Variants in MRPL48 observed in about 807,000 individuals in gnomAD.
The protein encoded by MRPL48 is large ribosomal subunit protein mL48.
In MRPL48, 16 loss-of-function variants were observed where a neutral mutation model predicts 32.9. That is an observed-to-expected ratio of 0.49 (90% confidence interval 0.33 to 0.74). The LOEUF (loss-of-function observed/expected upper bound fraction) is 0.74, where lower values mean the gene tolerates loss of function less well. Among genes scored for constraint, MRPL48 ranks in the 30% least tolerant of loss-of-function variants. The pLI is 0.02. For missense variants in MRPL48, 206 were observed against 245.3 expected (o/e 0.84, Z 1.07); for synonymous variants, 94 against 89.2 (o/e 1.05, Z -0.31).
intron 3 of MRPL48, among the ~76,000 whole-genome samples, chr11:73,808,838 G>T (rs1947510310): frequency 6.6e-6 from 1 of 151,996 alleles, no homozygotes; most frequent in Non-Finnish European, 1.5e-5. Context: ...CAGGAGAATC[G>T]CTTGAGCTCG....
chr11:73,788,110 C>T (rs1947076293), intron 1 of MRPL48, 118 bp downstream of exon 1: 1 of 1,459,510 alleles, frequency 6.9e-7, no homozygotes, highest in African/African-American at 1.4e-5. Flanking sequence ...GGATGAGACA[C>T]TGGGGCGCCC....
At chr11:73,846,504 C>T (rs1948290110) in intron 5 of MRPL48, among the ~76,000 whole-genome samples, 1 of 151,102 alleles carries the variant, frequency 6.6e-6, no homozygotes. Flanking sequence ...TACAGGTGCG[C>T]ACTACTGCAC....
intron 5 of MRPL48, 46 bp downstream of exon 5, chr11:73,845,022 T>C: frequency 6.4e-7 from 1 of 1,552,038 alleles, no homozygotes; most frequent in Non-Finnish European, 8.7e-7. Context: ...GTGGGTAGAA[T>C]GCTCTGTTTT....
chr11:73,804,965 G>A, intron 1 of MRPL48, 62 bp from the exon 2 acceptor site: 3 of 1,495,814 alleles, frequency 2.0e-6, no homozygotes, highest in Non-Finnish European at 2.7e-6. Flanking sequence ...GCCTCTCTGA[G>A]AAGACATACT....
intron 3 of MRPL48, among the ~76,000 whole-genome samples, chr11:73,815,444 G>A (rs749378845): frequency 6.6e-6 from 1 of 151,936 alleles, no homozygotes; most frequent in Non-Finnish European, 1.5e-5. Flanking sequence ...TTTTCCTGGA[G>A]GTTTGAGAAT....
chr11:73,862,656 C>T (rs1591015719), intron 6 of MRPL48, among the ~76,000 whole-genome samples: 1 of 152,010 alleles, frequency 6.6e-6, no homozygotes, highest in African/African-American at 2.4e-5. Context: ...TGGTTCATGC[C>T]TGTAAACCTA....
chr11:73,812,970 C>CT (rs1291903196), intron 3 of MRPL48, among the ~76,000 whole-genome samples: 1 of 151,152 alleles, frequency 6.6e-6, no homozygotes, highest in East Asian at 1.9e-4. Context: ...AGGCTGGTCT[C>CT]TAATTCCTGA....
intron 4 of MRPL48, among the ~76,000 whole-genome samples, chr11:73,844,555 T>C (rs1948251240): frequency 6.6e-6 from 1 of 152,212 alleles, no homozygotes; most frequent in Non-Finnish European, 1.5e-5. Flanking sequence ...CATGTATTCA[T>C]GTTCAAGTAA....
At chr11:73,788,071 CG>C in intron 1 of MRPL48, 79 bp downstream of exon 1, 1 of 1,212,394 alleles carries the variant, frequency 8.2e-7, no homozygotes, top group Non-Finnish European at 1.1e-6. Context: ...GGGTGCAGAG[CG>C]GGGAGGTGGC....
chr11:73,847,295 TA>T (rs1948309773), intron 5 of MRPL48, among the ~76,000 whole-genome samples: 1 of 152,224 alleles, frequency 6.6e-6, no homozygotes, highest in Non-Finnish European at 1.5e-5. Context: ...CACTAATAAA[TA>T]ATGATATTGA....
At chr11:73,809,010 T>G (rs1261126629) in intron 3 of MRPL48, among the ~76,000 whole-genome samples, 3 of 151,816 alleles carry the variant, frequency 2.0e-5, no homozygotes, top group Non-Finnish European at 4.4e-5. Flanking sequence ...CTGGGTGTGG[T>G]GGCACAGGCT....
intron 2 of MRPL48, 33 bp downstream of exon 2, chr11:73,805,112 G>A (rs1371677862): frequency 1.3e-6 from 2 of 1,520,988 alleles, no homozygotes; most frequent in Admixed American, 3.9e-5. Flanking sequence ...TTAAATATAG[G>A]TAACATTTGC....
At chr11:73,844,266 C>T (rs979878570) in intron 4 of MRPL48, among the ~76,000 whole-genome samples, 14 of 151,138 alleles carry the variant, frequency 9.3e-5, no homozygotes, top group African/African-American at 2.2e-4. Flanking sequence ...CCCATCTCTA[C>T]GAAAAATACG....
intron 3 of MRPL48, among the ~76,000 whole-genome samples, chr11:73,809,549 AATT>A (rs901434094): frequency 3.9e-5 from 6 of 152,042 alleles, no homozygotes; most frequent in Admixed American, 6.6e-5. Flanking sequence ...TAGCAGCTGT[AATT>A]ATTATTATTA....
At chr11:73,810,586 T>C (rs1947549451) in intron 3 of MRPL48, among the ~76,000 whole-genome samples, 1 of 151,712 alleles carries the variant, frequency 6.6e-6, no homozygotes, top group African/African-American at 2.4e-5. Flanking sequence ...GTAATTTAAG[T>C]TCTGGGTTAC....
intron 3 of MRPL48, among the ~76,000 whole-genome samples, chr11:73,812,717 AATAT>A (rs370608269): frequency 1.5e-5 from 2 of 135,556 alleles, no homozygotes; most frequent in African/African-American, 2.9e-5. Flanking sequence ...CCCATGTCTA[AATAT>A]ATATATATAT....
chr11:73,838,062 C>A (rs1948133927), intron 4 of MRPL48, among the ~76,000 whole-genome samples: 1 of 152,126 alleles, frequency 6.6e-6, no homozygotes, highest in Non-Finnish European at 1.5e-5. Context: ...CCATGTTGGT[C>A]AGGCTGGTCT....
chr11:73,798,440 A>T (rs1290474673), intron 1 of MRPL48, among the ~76,000 whole-genome samples: 1 of 152,124 alleles, frequency 6.6e-6, no homozygotes, highest in African/African-American at 2.4e-5. Flanking sequence ...GGAGGCAATG[A>T]TTATTGCCTT....
chr11:73,790,092 CAG>C (rs1947121839), intron 1 of MRPL48, among the ~76,000 whole-genome samples: 4 of 107,062 alleles, frequency 3.7e-5, no homozygotes, highest in Admixed American at 2.2e-4. Context: ...TTTTTTGAGA[CAG>C]AGTCTCCCTC....
Sources: gnomAD v4.1 joint callset for allele counts (sites outside exome capture counted in the v4.1 genomes callset) on GRCh38, gnomAD v4.1.1 for gene constraint, MANE v1.5 for transcripts, NCBI Gene and HGNC (gene_info 2026-07-23, HGNC 2026-07-21) for gene names.